The following ZDHHC14 variants were observed in gnomAD, a reference collection of about 807,000 sequenced individuals.
ZDHHC14 encodes palmitoyltransferase ZDHHC14.
ZDHHC14 carries 16 observed loss-of-function variants against 47.7 expected under a neutral mutation model. The ratio of observed to expected loss-of-function variants is 0.34; its 90% CI spans 0.23 to 0.51. The LOEUF (loss-of-function observed/expected upper bound fraction) is 0.51, where lower values mean the gene tolerates loss of function less well. Ranked by LOEUF, ZDHHC14 falls within the 20% of genes least tolerant of loss-of-function variation. The pLI is 0.97. For missense variants in ZDHHC14, 515 were observed against 662.5 expected (o/e 0.78, Z 2.44); for synonymous variants, 293 against 278.9 (o/e 1.05, Z -0.50).
intron 1 of ZDHHC14, among the ~76,000 whole-genome samples, chr6:157,483,905 T>C (rs1779692332): frequency 6.6e-6 from 1 of 152,108 alleles, no homozygotes; most frequent in South Asian, 2.1e-4. Flanking sequence ...TACATGCCCA[T>C]CAGGGGTAGA....
chr6:157,419,868 T>A lies in ZDHHC14; in HGVS notation c.245+37602T>A, dbSNP rs138741220. ...AGCTGTGTAGGAAACCACTACATTGTGTTCTAAAGTGGCTACACCATTTTT... is the reference window on the plus strand; with the variant it reads ...AGCTGTGTAGGAAACCACTACATTGAGTTCTAAAGTGGCTACACCATTTTT... On this transcript the variant is annotated intron_variant, in intron 1 of 8. Coordinates refer to ENST00000359775, the MANE Select transcript of ZDHHC14 (RefSeq NM_024630.3). 7.2e-5 allele frequency among the ~76,000 whole-genome samples: 11 copies of A among 152,346 alleles called. No individual in the cohort carries two copies. In the East Asian group the frequency reaches 2.1e-3, roughly 29 times the overall value.
intron 1 of ZDHHC14, among the ~76,000 whole-genome samples, chr6:157,510,494 C>G (rs1407895874): frequency 6.6e-6 from 1 of 152,178 alleles, no homozygotes; most frequent in Non-Finnish European, 1.5e-5. Context: ...CCCACTAGGC[C>G]ATGTCTTACC....
intron 2 of ZDHHC14, among the ~76,000 whole-genome samples, chr6:157,551,579 G>A (rs1011365804): frequency 6.6e-6 from 1 of 152,228 alleles, no homozygotes; most frequent in African/African-American, 2.4e-5. Context: ...GACTCACCTG[G>A]TAAATCAGAA....
chr6:157,449,439 T>A (rs764253509), intron 1 of ZDHHC14, among the ~76,000 whole-genome samples: 1 of 152,230 alleles, frequency 6.6e-6, no homozygotes, highest in African/African-American at 2.4e-5. Context: ...AGTGAACAGT[T>A]GGATGGGTTT....
At chr6:157,508,171 G>C (rs572994790) in intron 1 of ZDHHC14, among the ~76,000 whole-genome samples, 1 of 152,156 alleles carries the variant, frequency 6.6e-6, no homozygotes, top group Non-Finnish European at 1.5e-5. Context: ...TGGAGGTTTT[G>C]TTTTCTCAAA....
chr6:157,588,422 G>A lies in ZDHHC14; in HGVS notation c.407-4566G>A, dbSNP rs1167225775. On this transcript the variant is annotated intron_variant, in intron 2 of 8. Coordinates refer to ENST00000359775, the MANE Select transcript of ZDHHC14 (RefSeq NM_024630.3). Reference sequence around the variant, plus strand: ...TACAGTGAGCTATGATAGCACCACTGCACTCCAGCCAGGGTGACAGAGTGA... The same window carrying A: ...TACAGTGAGCTATGATAGCACCACTACACTCCAGCCAGGGTGACAGAGTGA... 2.0e-5 allele frequency among the ~76,000 whole-genome samples: 3 copies of A among 152,200 alleles called. No individual in the cohort carries two copies. The South Asian group carries it at 6.2e-4, about 32-fold the overall frequency.
At chr6:157,567,880 G>C (rs747119791) in intron 2 of ZDHHC14, among the ~76,000 whole-genome samples, 1 of 151,970 alleles carries the variant, frequency 6.6e-6, no homozygotes, top group African/African-American at 2.4e-5. Context: ...TGTTAAGTGA[G>C]CTAATATTTG....
At chr6:157,429,324 A>C (rs1239109916) in intron 1 of ZDHHC14, among the ~76,000 whole-genome samples, 1 of 152,176 alleles carries the variant, frequency 6.6e-6, no homozygotes, top group Non-Finnish European at 1.5e-5. Context: ...TCCTTTGATA[A>C]GCATTGGTAT....
At chr6:157,624,075 G>A (rs1358524786) in intron 3 of ZDHHC14, among the ~76,000 whole-genome samples, 2 of 152,204 alleles carry the variant, frequency 1.3e-5, no homozygotes, top group African/African-American at 4.8e-5. Flanking sequence ...ATATGGCTGT[G>A]TGGAGCTTCT....
At chr6:157,437,642 G>A (rs1309878981) in intron 1 of ZDHHC14, among the ~76,000 whole-genome samples, 2 of 152,120 alleles carry the variant, frequency 1.3e-5, no homozygotes, top group South Asian at 2.1e-4. Context: ...TTTCTTACTC[G>A]TAAAACGACC....
intron 1 of ZDHHC14, among the ~76,000 whole-genome samples, chr6:157,451,654 G>T (rs1306456688): frequency 6.6e-6 from 1 of 152,020 alleles, no homozygotes. Flanking sequence ...TCCGCCTCCT[G>T]GGTTCAAGCG....
At chr6:157,661,417 A>G (rs143068133) in intron 8 of ZDHHC14, among the ~76,000 whole-genome samples, 2,963 of 152,312 alleles carry the variant, frequency 0.019, 48 homozygotes, top group Non-Finnish European at 0.03. Flanking sequence ...TGAAATCAGC[A>G]TTCATTATAT....
chr6:157,561,085 G>T (rs190500409), intron 2 of ZDHHC14, among the ~76,000 whole-genome samples: 1 of 152,256 alleles, frequency 6.6e-6, no homozygotes, highest in Non-Finnish European at 1.5e-5. Flanking sequence ...TCCTCAGAGC[G>T]TGGGGGTGTT....
At chr6:157,451,353 A>G (rs545228119) in intron 1 of ZDHHC14, among the ~76,000 whole-genome samples, 5 of 152,324 alleles carry the variant, frequency 3.3e-5, no homozygotes, top group Non-Finnish European at 5.9e-5. Flanking sequence ...TGAAATCTAT[A>G]CCTGATCCTT....
chr6:157,460,403 T>C (rs527290558), intron 1 of ZDHHC14, among the ~76,000 whole-genome samples: 68 of 70,576 alleles, frequency 9.6e-4, no homozygotes, highest in African/African-American at 3.5e-3. Flanking sequence ...ACTCTCTCTC[T>C]GGAAAAAAAA....
At chr6:157,642,521 A>G (rs1430235518) in intron 5 of ZDHHC14, among the ~76,000 whole-genome samples, 16 of 152,192 alleles carry the variant, frequency 1.1e-4, no homozygotes, top group Admixed American at 1.0e-3. Flanking sequence ...CTCTTAGGCT[A>G]GGGCTGTGGG....
chr6:157,574,321 G>A (rs1418768022), intron 2 of ZDHHC14, among the ~76,000 whole-genome samples: 1 of 152,162 alleles, frequency 6.6e-6, no homozygotes, highest in Non-Finnish European at 1.5e-5. Flanking sequence ...TACTCCAGAG[G>A]CTGAGCCAGG....
intron 1 of ZDHHC14, among the ~76,000 whole-genome samples, chr6:157,390,291 A>G (rs1171669185): frequency 1.3e-5 from 2 of 151,836 alleles, no homozygotes; most frequent in Admixed American, 1.3e-4. Flanking sequence ...TTCCCCCCAT[A>G]TGTCATATGC....
In ZDHHC14 at chr6:157,595,755, C is replaced by T. The variant is rs147641242; in HGVS notation, c.565+2609C>T. 3.4e-3 allele frequency among the ~76,000 whole-genome samples: 525 copies of T among 152,280 alleles called. 2 individuals are homozygous for T. The highest frequency in any genetic ancestry group is 5.1e-3 in the Non-Finnish European group (345 of 68,024). ...GTTTCCAGTATGATCCTCTCCTGTG[C>T]ACTCTACCAGCCGTGAACCTAGGAG... is the stretch of plus-strand genomic sequence containing the variant. On this transcript the variant is annotated intron_variant, in intron 3 of 8. Coordinates refer to ENST00000359775, the MANE Select transcript of ZDHHC14 (RefSeq NM_024630.3).
Sources: allele counts gnomAD v4.1 joint callset (sites outside exome capture counted in the v4.1 genomes callset), GRCh38; gene constraint gnomAD v4.1.1; transcripts MANE v1.5; gene names NCBI Gene and HGNC (gene_info 2026-07-23, HGNC 2026-07-21).